Variants in ZNF638 observed in about 807,000 individuals in gnomAD.
ZNF638 encodes CTCL tumor antigen se33-1.
A neutral mutation model predicts 195.6 loss-of-function variants in ZNF638; 46 were observed. The ratio of observed to expected loss-of-function variants is 0.24; its 90% confidence interval spans 0.19 to 0.30. The LOEUF (loss-of-function observed/expected upper bound fraction) is 0.30. Ranked by LOEUF, ZNF638 falls within the 10% of genes least tolerant of loss-of-function variation. ZNF638 has a pLI of 1.00. For missense variants in ZNF638, 2,440 were observed against 2,325.3 expected, an observed-to-expected ratio of 1.05 and a Z score of -1.01; for synonymous variants, 845 against 772.0, an observed-to-expected ratio of 1.09 and a Z score of -1.57.
intron 10 of ZNF638, among the ~76,000 whole-genome samples, chr2:71,385,538 A>G (rs529640481): frequency 6.6e-6 from 1 of 152,304 alleles, no homozygotes; most frequent in South Asian, 2.1e-4. Context: ...TGGGTTTTAG[A>G]AGAGATCATT....
chr2:71,363,223 C>T, intron 4 of ZNF638, 32 bp downstream of exon 4: 1 of 1,454,094 alleles, frequency 6.9e-7, no homozygotes, highest in Non-Finnish European at 9.4e-7. Flanking sequence ...ATTATTAAAA[C>T]CTGATTGTCT....
intron 27 of ZNF638, 79 bp downstream of exon 27, chr2:71,433,362 A>AG: frequency 9.8e-7 from 1 of 1,022,188 alleles, no homozygotes; most frequent in Non-Finnish European, 1.5e-6. Context: ...CCAAACGTAC[A>AG]TTTCCCCCCG....
At chr2:71,339,038 A>ATGTTTTCC (rs374994525) in intron 1 of ZNF638, among the ~76,000 whole-genome samples, 2 of 151,650 alleles carry the variant, frequency 1.3e-5, no homozygotes, top group African/African-American at 2.4e-5. Context: ...AGGTATATGT[A>ATGTTTTCC]TGTTTTCCTG....
intron 1 of ZNF638, among the ~76,000 whole-genome samples, chr2:71,336,318 C>T (rs553671168): frequency 1.4e-5 from 2 of 139,556 alleles, no homozygotes; most frequent in Admixed American, 7.9e-5. Context: ...TGCGGTGAGC[C>T]GAGATTTGCG....
At position 71,363,535 on chromosome 2, in the gene ZNF638, C is replaced by A. The variant is rs146599641; in HGVS notation, c.1418+344C>A. Among the ~76,000 whole-genome samples, 261 of 152,272 alleles carry A rather than the reference C, an allele frequency of 1.7e-3. 1 individual carries two copies. The highest frequency in any genetic ancestry group is 3.1e-3 in the South Asian group (15 of 4,832). On this transcript the variant is annotated intron_variant, in intron 4 of 27. Coordinates refer to ENST00000264447, the MANE Select transcript of ZNF638 (RefSeq NM_014497.5). ...TTATGTGTGTACACACACGTACACA[C>A]ACATAGAGAAATCAAAGTCATATTT...
At position 71,430,739 on chromosome 2, in the gene ZNF638, A is replaced by G. The variant is rs2080640707; in HGVS notation, c.5651-588A>G. Among the ~76,000 whole-genome samples the G allele has an allele frequency of 2.0e-5, 3 of 152,236 alleles. No individual in the cohort carries two copies. The South Asian group carries it at 6.2e-4, about 31-fold the overall frequency. On this transcript the variant is annotated intron_variant, in intron 25 of 27. Coordinates refer to ENST00000264447, the MANE Select transcript of ZNF638 (RefSeq NM_014497.5). ...TAGGCAACAGTAAGGCATTTCAGCT[A>G]CTGAGGGTAATCAGAATTGCTTGGA...
chr2:71,366,900 C>G (rs1024145266), intron 6 of ZNF638, among the ~76,000 whole-genome samples: 1 of 152,058 alleles, frequency 6.6e-6, no homozygotes, highest in Non-Finnish European at 1.5e-5. Flanking sequence ...ATTAAAACAT[C>G]AAGAGACTAT....
At chr2:71,399,167 A>T (rs963994471) in intron 12 of ZNF638, among the ~76,000 whole-genome samples, 2 of 152,086 alleles carry the variant, frequency 1.3e-5, no homozygotes, top group African/African-American at 2.4e-5. Flanking sequence ...ATTTTTTTTC[A>T]TAAAGAAATG....
chr2:71,420,758 T>G (rs1191529297), intron 21 of ZNF638, among the ~76,000 whole-genome samples: 1 of 152,232 alleles, frequency 6.6e-6, no homozygotes, highest in Non-Finnish European at 1.5e-5. Flanking sequence ...GTCATTTATT[T>G]GACATTTCAA....
At chr2:71,363,857 T>A (rs2079150564) in intron 4 of ZNF638, 97 bp from the exon 5 acceptor site, 1 of 1,405,250 alleles carries the variant, frequency 7.1e-7, no homozygotes, top group Non-Finnish European at 9.5e-7. Context: ...TTGGTATTGT[T>A]AACAGTCTGT....
At chr2:71,376,061 A>G (rs904891368) in intron 8 of ZNF638, 3 of 152,246 alleles carry the variant, frequency 2.0e-5, no homozygotes, top group Non-Finnish European at 2.9e-5. Flanking sequence ...GAATGTTTCA[A>G]ATAGCTTAAA....
chr2:71,377,967 T>C (rs563904610), intron 8 of ZNF638, among the ~76,000 whole-genome samples: 1 of 152,334 alleles, frequency 6.6e-6, no homozygotes, highest in East Asian at 1.9e-4. Flanking sequence ...TCAAGTGGAA[T>C]CCTAAGGTGT....
chr2:71,385,762 GTC>G (rs1467718432), intron 10 of ZNF638, among the ~76,000 whole-genome samples: 2 of 152,118 alleles, frequency 1.3e-5, no homozygotes, highest in Non-Finnish European at 2.9e-5. Flanking sequence ...GGTATATGGG[GTC>G]TCTCCTTTTT....
At chr2:71,344,885 A>G (rs2078825013) in intron 1 of ZNF638, among the ~76,000 whole-genome samples, 2 of 152,230 alleles carry the variant, frequency 1.3e-5, no homozygotes, top group Non-Finnish European at 1.5e-5. Flanking sequence ...TGGAGTGGAT[A>G]TGAATGGTAG....
At chr2:71,432,807 GC>G (rs1239407097) in intron 26 of ZNF638, among the ~76,000 whole-genome samples, 2 of 152,172 alleles carry the variant, frequency 1.3e-5, no homozygotes, top group African/African-American at 2.4e-5. Context: ...ATTGATGAAG[GC>G]CAGTTGTGGC....
Position 71,365,414 on chromosome 2 carries a change from A to C in ZNF638, c.1718-15A>C, listed in dbSNP as rs780311101. The C allele has an allele frequency of 3.2e-6, 5 of 1,549,788 alleles. No individual in the cohort carries two copies. The African/African-American group carries it at 7.0e-5, about 22-fold the overall frequency. ...TTTTTTTCCAATTGAAATTATATTT[A>C]TATCTTTTTACTAGATAGAAAAAAA... On this transcript the variant is annotated splice_polypyrimidine_tract_variant and intron_variant, in intron 5 of 27. Transcript: ENST00000264447.
chr2:71,349,780 G>C lies in ZNF638; in HGVS notation c.826G>C (p.Gly276Arg), dbSNP rs1161131586. 1.2e-6 allele frequency: 2 copies of C among 1,614,116 alleles called. No homozygotes were observed. The highest frequency in any genetic ancestry group is 2.2e-5 in the East Asian group (1 of 44,872). ...EDVFRQMDFP[G>R]ESSNNRSFFS... ...CGTATTTCGCCAAATGGACTTCCCC[G>C]GTGAGTCCTCCAATAATCGGTCCTT... The change falls in exon 2 of 28, where the codon GGT becomes CGT. Residue 276 changes from glycine to arginine, a missense_variant. By Grantham distance (125) the Gly-to-Arg change is moderately radical. Transcript: ENST00000264447.
chr2:71,331,888 C>T lies in ZNF638; in HGVS notation c.-203+13C>T. The T allele has an allele frequency of 8.1e-6, 8 of 986,314 alleles. No individual in the cohort carries two copies. The highest frequency in any genetic ancestry group is 9.6e-6 in the Non-Finnish European group (8 of 830,330). 61.1% of individuals were successfully genotyped at this position (986,314 alleles called of 1,614,324 possible). Reference sequence around the variant, plus strand: ...CGGGTAGGCATAGGTAGGACCGCTGCCCTGTGGGGAGTAGGGGGTTGGAAG... The same window carrying T: ...CGGGTAGGCATAGGTAGGACCGCTGTCCTGTGGGGAGTAGGGGGTTGGAAG... On this transcript the variant is annotated intron_variant, in intron 1 of 27. Coordinates refer to ENST00000264447, the MANE Select transcript of ZNF638 (RefSeq NM_014497.5).
At chr2:71,343,801 C>T (rs2078804428) in intron 1 of ZNF638, among the ~76,000 whole-genome samples, 1 of 152,154 alleles carries the variant, frequency 6.6e-6, no homozygotes, top group Non-Finnish European at 1.5e-5. Context: ...AAAAAACTCA[C>T]GTTTTCCTGT....
Sources: gnomAD v4.1 joint callset for allele counts (sites outside exome capture counted in the v4.1 genomes callset) on GRCh38, gnomAD v4.1.1 for gene constraint, MANE v1.5 for transcripts, NCBI Gene and HGNC (gene_info 2026-07-23, HGNC 2026-07-21) for gene names.